Variants in NEBL observed in about 807,000 individuals in gnomAD.
NEBL encodes the protein LIM and SH3 protein 2.
A neutral mutation model predicts 140.2 loss-of-function variants in NEBL; 122 were observed. The ratio of observed to expected loss-of-function variants is 0.87; its 90% CI spans 0.75 to 1.01. NEBL has a LOEUF of 1.01. NEBL is among the 50% of genes least tolerant of loss of function. The probability of loss-of-function intolerance (pLI) is 0.00; values close to 1 mark genes in which losing one functional copy is unlikely to be tolerated. For synonymous variants in NEBL, 436 were observed against 398.9 expected, an observed-to-expected ratio of 1.09 and a Z score of -1.11; for missense variants, 1,365 against 1,231.3, an observed-to-expected ratio of 1.11 and a Z score of -1.62.
chr10:21,268,409 A>G (rs1013357885), intron 1 of NEBL, among the ~76,000 whole-genome samples: 56 of 152,346 alleles, frequency 3.7e-4, no homozygotes, highest in Middle Eastern at 3.4e-3. Context: ...CCTGAGCCCA[A>G]GAGTTTGAGG....
intron 2 of NEBL, among the ~76,000 whole-genome samples, chr10:21,145,783 G>A (rs112848303): frequency 0.014 from 2,172 of 152,300 alleles, 49 homozygotes; most frequent in African/African-American, 0.049. Context: ...TAACCTGCAC[G>A]CAAACCCTGT....
At chr10:20,972,962 A>G (rs1318781181) in intron 3 of NEBL, among the ~76,000 whole-genome samples, 1 of 152,200 alleles carries the variant, frequency 6.6e-6, no homozygotes, top group Admixed American at 6.5e-5. Flanking sequence ...AACTAGAAAT[A>G]GAGCACTAAT....
rs1242155777 is a variant in NEBL at position 21,173,404 on chromosome 10, T to C, written c.69+361A>G. Among the ~76,000 whole-genome samples the C allele has an allele frequency of 2.0e-5, 3 of 146,488 alleles. No homozygotes were observed. The highest frequency in any genetic ancestry group is 4.6e-4 in the South Asian group (2 of 4,360). On this transcript the variant is annotated intron_variant, in intron 1 of 6. Transcript: ENST00000417816. The surrounding 1 kb of genome is among the most constrained non-coding windows in gnomAD (Gnocchi z 5.7). ...ATCTGTGGGGCGGGGGGCGGGGGTA[T>C]TGTGGAACACGAGTGGAGGTGGAGG...
At chr10:20,798,082 T>C (rs577852418) in intron 26 of NEBL, among the ~76,000 whole-genome samples, 67 of 145,570 alleles carry the variant, frequency 4.6e-4, no homozygotes, top group Non-Finnish European at 8.1e-4. Flanking sequence ...AGCCCCTAGA[T>C]GACAGAGCAA....
At chr10:20,942,342 G>A (rs965235828) in intron 4 of NEBL, among the ~76,000 whole-genome samples, 4 of 152,268 alleles carry the variant, frequency 2.6e-5, no homozygotes, top group Admixed American at 6.5e-5. Flanking sequence ...ATGGGGAAAC[G>A]ATTCCCTATT....
chr10:21,237,636 T>C (rs1028618915), intron 3 of NEBL, among the ~76,000 whole-genome samples: 1 of 151,704 alleles, frequency 6.6e-6, no homozygotes, highest in Non-Finnish European at 1.5e-5. Context: ...AGACAGGGTC[T>C]TGCTCTGTCA....
intron 13 of NEBL, among the ~76,000 whole-genome samples, chr10:20,839,372 A>G (rs1325917040): frequency 6.6e-6 from 1 of 152,150 alleles, no homozygotes; most frequent in African/African-American, 2.4e-5. Flanking sequence ...ATGTGATGAC[A>G]ATGTTAGCCA....
chr10:20,867,205 G>A (rs1371248374), intron 7 of NEBL, among the ~76,000 whole-genome samples: 1 of 151,698 alleles, frequency 6.6e-6, no homozygotes, highest in African/African-American at 2.4e-5. Flanking sequence ...TTTTTGGATT[G>A]CAATTGGAAT....
At chr10:20,950,105 A>T (rs1439208972) in intron 4 of NEBL, among the ~76,000 whole-genome samples, 1 of 152,174 alleles carries the variant, frequency 6.6e-6, no homozygotes, top group African/African-American at 2.4e-5. Context: ...GTATTATCTC[A>T]TATACAGAGC....
At chr10:21,285,472 C>T (rs1843043340) in intron 1 of NEBL, among the ~76,000 whole-genome samples, 1 of 152,158 alleles carries the variant, frequency 6.6e-6, no homozygotes, top group African/African-American at 2.4e-5. Context: ...TCAAGTTGTC[C>T]CACCTTTCCA....
At chr10:21,245,469 A>G (rs1192858610) in intron 3 of NEBL, among the ~76,000 whole-genome samples, 1 of 152,224 alleles carries the variant, frequency 6.6e-6, no homozygotes, top group African/African-American at 2.4e-5. Flanking sequence ...GTAGGGAAGT[A>G]GGGATTTATC....
At chr10:20,998,670 T>A (rs900619219) in intron 3 of NEBL, among the ~76,000 whole-genome samples, 2 of 152,054 alleles carry the variant, frequency 1.3e-5, no homozygotes, top group Non-Finnish European at 2.9e-5. Flanking sequence ...GAATAGAAAT[T>A]CCAATAATGC....
chr10:21,244,845 C>T (rs543600882), intron 3 of NEBL, among the ~76,000 whole-genome samples: 1 of 151,476 alleles, frequency 6.6e-6, no homozygotes, highest in South Asian at 2.1e-4. Flanking sequence ...ACCCTCACCT[C>T]TAAAAAATAA....
intron 3 of NEBL, among the ~76,000 whole-genome samples, chr10:20,984,751 A>G (rs550876570): frequency 1.6e-4 from 24 of 152,144 alleles, no homozygotes; most frequent in Admixed American, 1.4e-3. Context: ...ACGGACTGGT[A>G]CCGGTCCATG....
chr10:21,095,829 A>C (rs781484920), intron 2 of NEBL, among the ~76,000 whole-genome samples: 13 of 152,156 alleles, frequency 8.5e-5, no homozygotes, highest in Non-Finnish European at 1.5e-5. Context: ...TGCCTCCCTC[A>C]TCCATGAGTC....
intron 2 of NEBL, among the ~76,000 whole-genome samples, chr10:20,895,776 G>C (rs1216944267): frequency 6.6e-6 from 1 of 152,176 alleles, no homozygotes; most frequent in East Asian, 1.9e-4. Flanking sequence ...TTGTCAGAAA[G>C]AGCCAGTCAT....
chr10:20,848,061 C>A (rs1190756498), intron 11 of NEBL, among the ~76,000 whole-genome samples: 2 of 152,116 alleles, frequency 1.3e-5, no homozygotes, highest in East Asian at 3.9e-4. Flanking sequence ...ACTATGATAG[C>A]TCCTGAAAAC....
At chr10:20,817,745 A>C in intron 20 of NEBL, 53 bp from the exon 21 acceptor site, 1 of 1,385,568 alleles carries the variant, frequency 7.2e-7, no homozygotes, top group Non-Finnish European at 1.0e-6. Flanking sequence ...CTCCACTGAA[A>C]TACCACAAAG....
At chr10:21,280,042 C>G (rs1361919442) in intron 1 of NEBL, among the ~76,000 whole-genome samples, 1 of 152,094 alleles carries the variant, frequency 6.6e-6, no homozygotes, top group Non-Finnish European at 1.5e-5. Flanking sequence ...AAAAAGTCCC[C>G]TAAAGACCCT....
Sources: allele counts gnomAD v4.1 joint callset (sites outside exome capture counted in the v4.1 genomes callset), GRCh38; gene constraint gnomAD v4.1.1; non-coding constraint Gnocchi (gnomAD v3.1); transcripts MANE v1.5; gene names NCBI Gene and HGNC (gene_info 2026-07-23, HGNC 2026-07-21).